The following USH2A variants were observed in gnomAD, a reference collection of about 807,000 sequenced individuals.
USH2A encodes usherin.
A neutral mutation model predicts 538.9 loss-of-function variants in USH2A; 443 were observed. That is an observed-to-expected ratio of 0.82 (90% confidence interval 0.76 to 0.89). USH2A has a LOEUF of 0.89. Ranked by LOEUF, USH2A falls within the 40% of genes least tolerant of loss-of-function variation. The pLI, the probability that USH2A is intolerant of heterozygous loss-of-function variation, is 0.00. For synonymous variants in USH2A, 2,413 were observed against 2,273.5 expected, an observed-to-expected ratio of 1.06 and a Z score of -1.75; for missense variants, 6,633 against 6,324.8, an observed-to-expected ratio of 1.05 and a Z score of -1.65.
At chr1:216,153,661 G>C (rs1408446273) in intron 21 of USH2A, among the ~76,000 whole-genome samples, 1 of 152,096 alleles carries the variant, frequency 6.6e-6, no homozygotes, top group African/African-American at 2.4e-5. Context: ...TATGCCTATA[G>C]ATATTGCCTC....
Position 215,969,910 on chromosome 1 carries a change from A to G in USH2A, c.6957+715T>C, listed in dbSNP as rs1667449736. ...CCATCTAAAGAAGCAAAATCTAATT[A>G]ATCAAGAAAAATGCACCAAAGTGTA... On this transcript the variant is annotated intron_variant, in intron 36 of 71. Coordinates refer to ENST00000307340, the MANE Select transcript of USH2A (RefSeq NM_206933.4). Among the ~76,000 whole-genome samples the G allele has an allele frequency of 2.6e-5, 4 of 152,338 alleles. No individual in the cohort carries two copies. In the South Asian group the frequency reaches 8.3e-4, roughly 32 times the overall value.
Position 216,251,066 on chromosome 1 carries a change from C to T in USH2A, c.2004G>A (p.Val668=), listed in dbSNP as rs1166026265. ...GGCACTGATTGCACTGCCTGCCAGACACGTGTCTCTTACAATTACACTGTC... is the reference window on the plus strand; with the variant it reads ...GGCACTGATTGCACTGCCTGCCAGATACGTGTCTCTTACAATTACACTGTC... The part of the protein sequence containing the change: ...IGGQCNCKRH[V]SGRQCNQCQN... Residue 668 remains valine, a synonymous_variant, in exon 12 of 72, where the codon GTG becomes GTA. Transcript: ENST00000307340. 27 of 1,614,052 alleles carry T rather than the reference C, an allele frequency of 1.7e-5. No homozygotes were observed. The highest frequency in any genetic ancestry group is 2.2e-5 in the Non-Finnish European group (26 of 1,179,990).
chr1:216,130,392 G>A (rs1356377275), intron 21 of USH2A, among the ~76,000 whole-genome samples: 2 of 151,456 alleles, frequency 1.3e-5, no homozygotes, highest in Non-Finnish European at 2.9e-5. Flanking sequence ...TCCCACTTTT[G>A]AGTGAGCATA....
rs150282853 is a variant in USH2A at position 216,000,501 on chromosome 1, T to A, written c.6387A>T (p.Thr2129=). ...LLSACTHVGC[T]NSSWVLLYTA... ...TGTACAGTAGGACCCAGGAACTGTT[T>A]GTACAGCCCACATGTGTGCATGCAC... Residue 2129 remains threonine (T), a synonymous_variant, in exon 33 of 72, where the codon ACA becomes ACT. Coordinates refer to ENST00000307340, the MANE Select transcript of USH2A (RefSeq NM_206933.4). The A allele has an allele frequency of 1.2e-6, 2 of 1,613,618 alleles. No homozygotes were observed. Among genetic ancestry groups the A allele is most frequent in the East Asian group, 2.2e-5 (1 of 44,862 alleles).
At chr1:216,211,698 T>C (rs2035244822) in intron 15 of USH2A, among the ~76,000 whole-genome samples, 1 of 152,202 alleles carries the variant, frequency 6.6e-6, no homozygotes, top group African/African-American at 2.4e-5. Context: ...TATTTAGACA[T>C]AGGAAAAGAG....
intron 20 of USH2A, among the ~76,000 whole-genome samples, chr1:216,179,604 T>G (rs1382701952): frequency 6.6e-6 from 1 of 152,142 alleles, no homozygotes; most frequent in East Asian, 1.9e-4. Context: ...AACATCCTAC[T>G]GAGTTATTCT....
At chr1:216,406,812 A>G (rs536681537) in intron 3 of USH2A, among the ~76,000 whole-genome samples, 3 of 152,132 alleles carry the variant, frequency 2.0e-5, no homozygotes, top group Non-Finnish European at 4.4e-5. Flanking sequence ...TAAATTCCCT[A>G]AAGTGCTAGC....
At position 215,647,593 on chromosome 1, in the gene USH2A, A is replaced by T; in HGVS notation, c.14720T>A (p.Leu4907Gln). 6.2e-7 allele frequency: 1 copy of T among 1,614,074 alleles called. No individual in the cohort carries two copies. Among genetic ancestry groups the T allele is most frequent in the Middle Eastern group, 1.6e-4 (1 of 6,062 alleles). ...GGLQPYTTYK[L>Q]RVVAHNEVGS... Reference sequence around the variant, plus strand: ...CACCTCGTTGTGTGCCACCACTCTCAGCTTGTATGTGGTGTAGGGCTGGAG... The same window carrying T: ...CACCTCGTTGTGTGCCACCACTCTCTGCTTGTATGTGGTGTAGGGCTGGAG... Residue 4907 changes from leucine (L) to glutamine (Q), a missense_variant, in exon 67 of 72, where the codon CTG becomes CAG. Coordinates refer to ENST00000307340, the MANE Select transcript of USH2A (RefSeq NM_206933.4).
intron 21 of USH2A, among the ~76,000 whole-genome samples, chr1:216,097,666 A>T (rs12090797): frequency 0.043 from 6,623 of 152,282 alleles, 482 homozygotes; most frequent in African/African-American, 0.15. Context: ...TGCCATGAAG[A>T]GGCCTATAGA....
chr1:215,680,488 C>T (rs1658191955), intron 61 of USH2A, 112 bp from the exon 62 acceptor site: 4 of 985,414 alleles, frequency 4.1e-6, no homozygotes, highest in Non-Finnish European at 6.4e-6. Context: ...AACAGCAGCG[C>T]AAACACTACA....
chr1:215,663,349 T>A (rs534380112), intron 64 of USH2A, among the ~76,000 whole-genome samples: 3 of 152,358 alleles, frequency 2.0e-5, no homozygotes, highest in East Asian at 1.9e-4. Context: ...CCCATTTTTT[T>A]AAATGAGAAA....
At chr1:216,193,004 G>C (rs951959550) in intron 19 of USH2A, among the ~76,000 whole-genome samples, 1 of 152,034 alleles carries the variant, frequency 6.6e-6, no homozygotes, top group Non-Finnish European at 1.5e-5. Context: ...TAATAATTGG[G>C]AGATGTGGAA....
At chr1:215,838,213 A>G (rs534870319) in intron 46 of USH2A, 110 bp from the exon 47 acceptor site, 2 of 884,254 alleles carry the variant, frequency 2.3e-6, no homozygotes, top group Non-Finnish European at 3.8e-6. Context: ...GTATTTCTCT[A>G]TAGCCTCTTG....
In USH2A at chr1:215,623,133, T is replaced by TAAAC. The variant is rs1361518322; in HGVS notation, c.*2644_*2647dup. On this transcript the variant is annotated 3_prime_UTR_variant, in exon 72 of 72. Transcript: ENST00000307340. ...ATTTAGTGGAAATTACAGTAGATTA[T>TAAAC]AAACACATTTCTTAGAGTGTATAAA... is the stretch of plus-strand genomic sequence containing the variant. The TAAAC allele has an allele frequency of 6.6e-6, 1 of 152,138 alleles. No individual in the cohort carries two copies. The highest frequency in any genetic ancestry group is 2.4e-5 in the African/African-American group (1 of 41,450). 9.4% of individuals were successfully genotyped at this position (152,138 alleles called of 1,614,324 possible). A position where few individuals can be genotyped will look rare whatever the true frequency, so the allele number is the denominator to read the frequency against.
rs527388301 is a variant in USH2A, at chr1:216,292,117, A to G, written c.1840+58T>C. 3.4e-4 allele frequency: 516 copies of G among 1,534,612 alleles called. 3 individuals carry two copies. In the African/African-American group the frequency reaches 6.4e-3, roughly 19 times the overall value. On this transcript the variant is annotated intron_variant, in intron 10 of 71. Transcript: ENST00000307340. ...AATAACATAATTTAAAATAATATGC[A>G]TTGTAGATAGAAGCACACAGGCCTC... is the stretch of plus-strand genomic sequence containing the variant.
intron 3 of USH2A, among the ~76,000 whole-genome samples, chr1:216,386,427 A>G (rs1356212309): frequency 6.8e-6 from 1 of 148,088 alleles, no homozygotes; most frequent in Non-Finnish European, 1.5e-5. Context: ...CAGAGCTTGC[A>G]GTGAGCCGAG....
In USH2A at chr1:215,861,589, C is replaced by T. The variant is rs78725999; in HGVS notation, c.8845+5418G>A. ...GTTGAACCTGAGAACATGATCATGT[C>T]CTCATTCCAGTCCAGGGGAAGGGCT... On this transcript the variant is annotated intron_variant, in intron 44 of 71. Transcript: ENST00000307340. 1.8e-3 allele frequency among the ~76,000 whole-genome samples: 267 copies of T among 152,202 alleles called. 9 individuals are homozygous for T. In the East Asian group the frequency reaches 0.049, roughly 28 times the overall value.
chr1:216,382,293 T>G (rs1280136725), intron 3 of USH2A, among the ~76,000 whole-genome samples: 6 of 152,056 alleles, frequency 3.9e-5, no homozygotes, highest in Admixed American at 2.0e-4. Flanking sequence ...TTCCTGAAAA[T>G]GTTGATGCCA....
chr1:216,294,147 A>C (rs1183783222), intron 9 of USH2A, among the ~76,000 whole-genome samples: 2 of 152,204 alleles, frequency 1.3e-5, no homozygotes, highest in Non-Finnish European at 2.9e-5. Context: ...TTCTAATATA[A>C]ATACAATTTA....
Sources: allele counts gnomAD v4.1 joint callset (sites outside exome capture counted in the v4.1 genomes callset), GRCh38; gene constraint gnomAD v4.1.1; transcripts MANE v1.5; gene names NCBI Gene and HGNC (gene_info 2026-07-23, HGNC 2026-07-21).